G2E3: variants seen among roughly 807,000 people sequenced by gnomAD.
G2E3 encodes G2/M phase-specific E3 ubiquitin-protein ligase.
In G2E3, 35 loss-of-function variants were observed where a neutral mutation model predicts 92.8. The observed-to-expected ratio is 0.38, with a 90% CI of 0.29 to 0.50. G2E3 has a LOEUF of 0.50. G2E3 is among the 20% of genes least tolerant of loss of function. The pLI is 0.94. For missense variants in G2E3, 554 were observed against 823.8 expected (o/e 0.67, Z 4.01); for synonymous variants, 242 against 272.4 (o/e 0.89, Z 1.10).
chr14:30,594,063 T>C lies in G2E3; in HGVS notation c.528+424T>C, dbSNP rs537871141. On this transcript the variant is annotated intron_variant, in intron 6 of 14. Coordinates refer to ENST00000206595, the MANE Select transcript of G2E3 (RefSeq NM_017769.5). ...CTTTTCTTCCCAATGGTAAGCACTT[T>C]ACCATAACTTCTTAACAGGGAGCTG... 3.3e-5 allele frequency among the ~76,000 whole-genome samples: 5 copies of C among 152,334 alleles called. No homozygotes were observed. In the South Asian group the frequency reaches 1.0e-3, roughly 32 times the overall value.
intron 14 of G2E3, 131 bp downstream of exon 14, chr14:30,615,670 G>T (rs1882281225): frequency 2.0e-6 from 1 of 491,964 alleles, no homozygotes; most frequent in Non-Finnish European, 3.6e-6. Context: ...ATTTACAAAA[G>T]AAAGTTATTT....
intron 8 of G2E3, among the ~76,000 whole-genome samples, chr14:30,599,389 G>T: frequency 6.6e-6 from 1 of 152,038 alleles, no homozygotes; most frequent in East Asian, 1.9e-4. Context: ...CACCATGCCT[G>T]GCTAATTTTT....
At chr14:30,583,922 T>C (rs1028347191) in intron 2 of G2E3, among the ~76,000 whole-genome samples, 1 of 152,214 alleles carries the variant, frequency 6.6e-6, no homozygotes, top group Non-Finnish European at 1.5e-5. Flanking sequence ...TGGCATTTAG[T>C]ACATTTACAA....
intron 12 of G2E3, among the ~76,000 whole-genome samples, chr14:30,608,357 G>C (rs761800400): frequency 1.3e-5 from 2 of 152,172 alleles, no homozygotes; most frequent in Non-Finnish European, 2.9e-5. Flanking sequence ...ACATGGATTT[G>C]CCTGCCTTGC....
At chr14:30,599,629 A>G (rs1243772571) in intron 8 of G2E3, among the ~76,000 whole-genome samples, 6 of 152,210 alleles carry the variant, frequency 3.9e-5, no homozygotes, top group Admixed American at 3.3e-4. Context: ...GACACATTTC[A>G]GCCCATAGTC....
At chr14:30,594,715 T>A (rs1228885129) in intron 6 of G2E3, among the ~76,000 whole-genome samples, 1 of 151,428 alleles carries the variant, frequency 6.6e-6, no homozygotes, top group East Asian at 1.9e-4. Flanking sequence ...ATGTAAATTC[T>A]CTTATTTCAA....
intron 2 of G2E3, among the ~76,000 whole-genome samples, chr14:30,584,416 A>G (rs1880595537): frequency 6.6e-6 from 1 of 152,242 alleles, no homozygotes; most frequent in Admixed American, 6.5e-5. Context: ...ACTGTGTCAT[A>G]TGGTAACTCT....
chr14:30,592,512 A>G (rs888462925), intron 5 of G2E3, 65 bp downstream of exon 5: 4 of 1,180,638 alleles, frequency 3.4e-6, no homozygotes, highest in Non-Finnish European at 3.6e-6. Context: ...TACATATCCC[A>G]ATGATATAAT....
Position 30,582,180 on chromosome 14 carries a change from A to G in G2E3, c.37+1064A>G, listed in dbSNP as rs148042892. Among the ~76,000 whole-genome samples the G allele has an allele frequency of 1.2e-3, 180 of 152,316 alleles. 1 individual carries two copies. The highest frequency in any genetic ancestry group is 4.1e-3 in the African/African-American group (170 of 41,562). On this transcript the variant is annotated intron_variant, in intron 2 of 14. Coordinates refer to ENST00000206595, the MANE Select transcript of G2E3 (RefSeq NM_017769.5). The stretch of plus-strand genomic sequence containing the variant: ...ACATCTACTATTGATACTTTTTCCT[A>G]AGATGGACTGTTTCTTTATTTACAT...
At chr14:30,562,505 C>G (rs1048175905) in intron 1 of G2E3, among the ~76,000 whole-genome samples, 3 of 152,162 alleles carry the variant, frequency 2.0e-5, no homozygotes, top group Admixed American at 6.5e-5. Flanking sequence ...ACACCAGCGT[C>G]TGGGAAGACG....
At chr14:30,573,354 G>A (rs1398893083) in intron 1 of G2E3, among the ~76,000 whole-genome samples, 6 of 151,790 alleles carry the variant, frequency 4.0e-5, no homozygotes, top group Non-Finnish European at 8.8e-5. Context: ...TATCTATCCC[G>A]AGGTAACATG....
At chr14:30,572,535 G>A (rs1879828022) in intron 1 of G2E3, among the ~76,000 whole-genome samples, 1 of 152,052 alleles carries the variant, frequency 6.6e-6, no homozygotes, top group African/African-American at 2.4e-5. Flanking sequence ...ATTCCCGTCT[G>A]TTTCTGGTTT....
chr14:30,588,785 A>C (rs1042445962), intron 3 of G2E3, among the ~76,000 whole-genome samples: 1 of 152,120 alleles, frequency 6.6e-6, no homozygotes, highest in East Asian at 1.9e-4. Flanking sequence ...ACTTTCTCTG[A>C]TTCAGGCTTT....
In G2E3 at chr14:30,608,067, A is replaced by G; in HGVS notation, c.1498A>G (p.Arg500Gly). Residue 500 changes from arginine to glycine, a missense_variant and splice_region_variant, in exon 12 of 15, where the codon AGG becomes GGG. This residue lies in a region of G2E3 where 397 missense variants were observed against 560.3 expected (regional missense o/e 0.71). Coordinates refer to ENST00000206595, the MANE Select transcript of G2E3 (RefSeq NM_017769.5). ...CTTTGATGTGGCACAGATTATAATC[A>G]GGGTAAGCAATGTATCTGTTTATTA... Reference protein sequence around the residue: ...SDFDVAQIIIRINTATTVADL... With the variant: ...SDFDVAQIIIGINTATTVADL... The G allele has an allele frequency of 1.9e-6, 3 of 1,549,186 alleles. No homozygotes were observed. Among genetic ancestry groups the G allele is most frequent in the Non-Finnish European group, 2.6e-6 (3 of 1,147,410 alleles).
At position 30,602,113 on chromosome 14, in the gene G2E3, A is replaced by G. The variant is rs754085603; in HGVS notation, c.992A>G (p.Gln331Arg). The change falls in exon 10 of 15, where the codon CAG becomes CGG. Residue 331 changes from glutamine (Q) to arginine (R), a missense_variant. Physicochemically the swap from Gln to Arg is conservative, Grantham distance 43 (BLOSUM62 1). Around this residue, in one of 3 missense-constraint regions of G2E3, gnomAD observed 397 missense variants for 560.3 expected, o/e 0.71. Transcript: ENST00000206595. ...TTACCCAGACAGTCACCTGGATCCC[A>G]GAGTAAAGATCTACTGAGGTATGTA... ...PKLPRQSPGS[Q>R]SKDLLRQGSK... The G allele has an allele frequency of 1.2e-4, 198 of 1,609,818 alleles. No individual in the cohort carries two copies. Among genetic ancestry groups the G allele is most frequent in the East Asian group, 2.2e-5 (1 of 44,822 alleles).
At chr14:30,581,218 GT>G in intron 2 of G2E3, 102 bp downstream of exon 2, 1 of 705,540 alleles carries the variant, frequency 1.4e-6, no homozygotes, top group South Asian at 1.6e-5. Flanking sequence ...CACAAGCTTA[GT>G]TTGTATGTCC....
chr14:30,602,671 G>A (rs1330079184), intron 10 of G2E3: 1 of 152,320 alleles, frequency 6.6e-6, no homozygotes, highest in Non-Finnish European at 1.5e-5. Context: ...GAGTACAGTG[G>A]CATGATCATG....
At chr14:30,615,675 T>G in intron 14 of G2E3, 136 bp downstream of exon 14, 1 of 488,572 alleles carries the variant, frequency 2.0e-6, no homozygotes, top group Non-Finnish European at 3.6e-6. Flanking sequence ...CAAAAGAAAG[T>G]TATTTCAAAG....
In G2E3 at chr14:30,592,255, A is replaced by G. The variant is rs1881052252; in HGVS notation, c.238-68A>G. On this transcript the variant is annotated intron_variant, in intron 4 of 14. Transcript: ENST00000206595. ...GATTCCCCACCAGGAGTATTTATTT[A>G]TGTCTTGATCATATTATAATACTCA... 49 of 1,337,834 alleles carry G rather than the reference A, an allele frequency of 3.7e-5. No homozygotes were observed. The South Asian group carries it at 5.7e-4, about 15-fold the overall frequency. The allele number at this position is 1,337,834 out of a possible 1,614,324, so 82.9% of individuals were successfully genotyped here.
Sources: gnomAD v4.1 joint callset for allele counts (sites outside exome capture counted in the v4.1 genomes callset) on GRCh38, gnomAD v4.1.1 for gene constraint, gnomAD v4.1.1 regional missense constraint, MANE v1.5 for transcripts, NCBI Gene and HGNC (gene_info 2026-07-23, HGNC 2026-07-21) for gene names.